PCDH7: variants seen among roughly 807,000 people sequenced by gnomAD.
PCDH7 encodes protocadherin 7.
A neutral mutation model predicts 58.9 loss-of-function variants in PCDH7; 17 were observed. That is an observed-to-expected ratio of 0.29 (90% CI 0.20 to 0.43). PCDH7 has a LOEUF of 0.43. PCDH7 is among the 20% of genes least tolerant of loss of function. PCDH7 has a pLI of 1.00. For missense variants in PCDH7, 1,274 were observed against 1,441.0 expected, an observed-to-expected ratio of 0.88 and a Z score of 1.88; for synonymous variants, 664 against 616.4, an observed-to-expected ratio of 1.08 and a Z score of -1.14.
At chr4:31,133,924 A>T (rs1206228220) in intron 3 of PCDH7, among the ~76,000 whole-genome samples, 1 of 152,186 alleles carries the variant, frequency 6.6e-6, no homozygotes, top group Non-Finnish European at 1.5e-5. Flanking sequence ...AAAGTTGCTG[A>T]TGCTTTCAGA....
intron 1 of PCDH7, among the ~76,000 whole-genome samples, chr4:30,763,417 G>C (rs1322865911): frequency 3.9e-5 from 6 of 152,152 alleles, no homozygotes; most frequent in Admixed American, 3.3e-4. Flanking sequence ...AAACAATGCA[G>C]GGGAAATTAT....
chr4:30,927,312 T>C (rs968375329), intron 2 of PCDH7, among the ~76,000 whole-genome samples: 1 of 152,182 alleles, frequency 6.6e-6, no homozygotes, highest in African/African-American at 2.4e-5. Context: ...AACCTTGTGC[T>C]GTGAGGAGCC....
intron 1 of PCDH7, among the ~76,000 whole-genome samples, chr4:30,898,400 G>A (rs1466938347): frequency 1.3e-5 from 2 of 152,074 alleles, no homozygotes; most frequent in Non-Finnish European, 2.9e-5. Context: ...GTAGATAGTC[G>A]AGGAGGATAC....
intron 1 of PCDH7, among the ~76,000 whole-genome samples, chr4:30,790,301 T>C (rs1028234786): frequency 2.0e-5 from 3 of 152,200 alleles, no homozygotes; most frequent in African/African-American, 7.2e-5. Context: ...ATTATGTTCA[T>C]GATACCCATC....
At chr4:31,055,768 G>A (rs1757114868) in intron 3 of PCDH7, among the ~76,000 whole-genome samples, 1 of 151,728 alleles carries the variant, frequency 6.6e-6, no homozygotes, top group Non-Finnish European at 1.5e-5. Flanking sequence ...GTAGAGGCGG[G>A]GTTTCGCCAT....
At chr4:31,099,648 A>G (rs977216301) in intron 3 of PCDH7, among the ~76,000 whole-genome samples, 4 of 152,196 alleles carry the variant, frequency 2.6e-5, no homozygotes, top group Admixed American at 1.3e-4. Context: ...GAAGGAGAAT[A>G]CTATTTTCCC....
At chr4:30,800,099 C>T (rs539976663) in intron 1 of PCDH7, among the ~76,000 whole-genome samples, 3 of 151,746 alleles carry the variant, frequency 2.0e-5, no homozygotes, top group Admixed American at 6.6e-5. Flanking sequence ...ACCTCATGAT[C>T]TGCCCACCTT....
In PCDH7 at chr4:30,962,797, A is replaced by C. The variant is rs552851502; in HGVS notation, c.*7+12582A>C. On this transcript the variant is annotated intron_variant, in intron 3 of 3. Coordinates refer to the PCDH7 transcript ENST00000509759. Reference sequence around the variant, plus strand: ...GTCTTAAAAAAAAAAAAAAAAAAAAAAAAAAAAACAGTGGTAATTCTATAT... The same window carrying C: ...GTCTTAAAAAAAAAAAAAAAAAAAACAAAAAAAACAGTGGTAATTCTATAT... Among the ~76,000 whole-genome samples, 98 of 151,392 alleles carry C rather than the reference A, an allele frequency of 6.5e-4. 1 individual carries two copies. The East Asian group carries it at 9.7e-3, about 15-fold the overall frequency.
Position 31,122,663 on chromosome 4 carries a change from A to T in PCDH7, c.*8-19810A>T, listed in dbSNP as rs576824321. Among the ~76,000 whole-genome samples the T allele has an allele frequency of 2.6e-5, 4 of 152,124 alleles. No homozygotes were observed. In the East Asian group the frequency reaches 7.7e-4, roughly 29 times the overall value. On this transcript the variant is annotated intron_variant, in intron 3 of 3. Transcript: ENST00000509759. ...AAGTCCATCTAAGTGTAGGGTAGAGATGATAGCGTGTTGAAGACAAACATT... is the reference window on the plus strand; with the variant it reads ...AAGTCCATCTAAGTGTAGGGTAGAGTTGATAGCGTGTTGAAGACAAACATT...
At chr4:30,851,440 G>A (rs1732729919) in intron 1 of PCDH7, among the ~76,000 whole-genome samples, 1 of 151,886 alleles carries the variant, frequency 6.6e-6, no homozygotes, top group African/African-American at 2.4e-5. Flanking sequence ...CTCTGGTCGA[G>A]TATATTCATT....
chr4:30,768,573 A>G (rs1189539243), intron 1 of PCDH7, among the ~76,000 whole-genome samples: 1 of 152,236 alleles, frequency 6.6e-6, no homozygotes, highest in Admixed American at 6.5e-5. Flanking sequence ...GACTTAATAA[A>G]TATTGTAACT....
chr4:30,964,294 T>G, intron 3 of PCDH7, among the ~76,000 whole-genome samples: 1 of 151,080 alleles, frequency 6.6e-6, no homozygotes, highest in Non-Finnish European at 1.5e-5. Context: ...CAGGCTGGAG[T>G]GCAGTGGCCT....
rs557988760 is a variant in PCDH7, at chr4:31,027,718, G to A, written c.*7+77503G>A. Among the ~76,000 whole-genome samples the A allele has an allele frequency of 2.6e-5, 4 of 152,198 alleles. No individual in the cohort carries two copies. In the South Asian group the frequency reaches 8.3e-4, roughly 32 times the overall value. ...TTACAGGCGTGAGCTACTGCACCCAGCCTGTATTTCATTTATATATGCATA... is the reference window on the plus strand; with the variant it reads ...TTACAGGCGTGAGCTACTGCACCCAACCTGTATTTCATTTATATATGCATA... On this transcript the variant is annotated intron_variant, in intron 3 of 3. Coordinates refer to the PCDH7 transcript ENST00000509759.
chr4:30,954,340 G>A (rs1747639171), intron 3 of PCDH7, among the ~76,000 whole-genome samples: 1 of 151,904 alleles, frequency 6.6e-6, no homozygotes, highest in Non-Finnish European at 1.5e-5. Context: ...TAATCTTAAT[G>A]AAAGTCTTCC....
chr4:30,973,152 T>C (rs1239824295), intron 3 of PCDH7, among the ~76,000 whole-genome samples: 1 of 152,090 alleles, frequency 6.6e-6, no homozygotes. Context: ...GAGACAAAAA[T>C]CACATTTACA....
intron 2 of PCDH7, among the ~76,000 whole-genome samples, chr4:30,931,158 C>T (rs977795126): frequency 6.6e-6 from 1 of 152,104 alleles, no homozygotes; most frequent in South Asian, 2.1e-4. Context: ...TTTACCACCC[C>T]TTTTCCCCAC....
downstream of PCDH7, among the ~76,000 whole-genome samples, chr4:30,737,695 T>C (rs538197427): frequency 6.6e-6 from 1 of 152,298 alleles, no homozygotes; most frequent in African/African-American, 2.4e-5. Context: ...GCACTGGGTA[T>C]TGTGAGAATG....
At chr4:30,847,737 A>C (rs1732175092) in intron 1 of PCDH7, among the ~76,000 whole-genome samples, 1 of 152,250 alleles carries the variant, frequency 6.6e-6, no homozygotes, top group Non-Finnish European at 1.5e-5. Flanking sequence ...AACAAATTGC[A>C]GTATGATTTT....
At chr4:31,111,331 G>A (rs1470118175) in intron 3 of PCDH7, among the ~76,000 whole-genome samples, 3 of 147,208 alleles carry the variant, frequency 2.0e-5, no homozygotes, top group East Asian at 2.0e-4. Context: ...TTCCTGAGGC[G>A]GAGTCTCGCT....
Sources: allele counts gnomAD v4.1 joint callset (sites outside exome capture counted in the v4.1 genomes callset), GRCh38; gene constraint gnomAD v4.1.1; transcripts MANE v1.5; gene names NCBI Gene and HGNC (gene_info 2026-07-23, HGNC 2026-07-21).